Variants in ERC1 observed in about 807,000 individuals in gnomAD.
ERC1 encodes ELKS/RAB6-interacting/CAST family member 1.
ERC1 carries 56 observed loss-of-function variants against 132.0 expected under a neutral mutation model. The observed-to-expected ratio is 0.42, with a 90% CI of 0.34 to 0.53. The LOEUF (loss-of-function observed/expected upper bound fraction) is 0.53, where lower values mean the gene tolerates loss of function less well. ERC1 is among the 20% of genes least tolerant of loss of function. ERC1 has a pLI of 0.03. For synonymous variants in ERC1, 478 were observed against 476.1 expected (o/e 1.00, Z -0.05); for missense variants, 1,202 against 1,349.9 (o/e 0.89, Z 1.72).
At chr12:1,052,400 A>G (rs945936950) in intron 2 of ERC1, among the ~76,000 whole-genome samples, 6 of 152,252 alleles carry the variant, frequency 3.9e-5, no homozygotes, top group Non-Finnish European at 8.8e-5. Flanking sequence ...TGTGTGGATA[A>G]ATATTAATTA....
intron 12 of ERC1, among the ~76,000 whole-genome samples, chr12:1,198,153 C>G (rs1012398701): frequency 1.7e-4 from 26 of 152,110 alleles, no homozygotes; most frequent in African/African-American, 6.3e-4. Flanking sequence ...GTCTCGAACT[C>G]CTGGGCTCAA....
intron 12 of ERC1, among the ~76,000 whole-genome samples, chr12:1,200,605 C>G (rs1956817726): frequency 6.6e-6 from 1 of 151,686 alleles, no homozygotes; most frequent in Non-Finnish European, 1.5e-5. Context: ...GTCGCCCAGG[C>G]TGGAGTGCAG....
intron 16 of ERC1, among the ~76,000 whole-genome samples, chr12:1,405,161 A>AAATAAATAAATAAATGAATG (rs1566786289): frequency 7.2e-6 from 1 of 138,410 alleles, no homozygotes; most frequent in African/African-American, 2.8e-5. Flanking sequence ...ATAAATAAAT[A>AAATAAATAAATAAATGAATG]AATAAATAAA....
At chr12:1,019,962 C>CT (rs1232955640) in intron 1 of ERC1, among the ~76,000 whole-genome samples, 24 of 151,446 alleles carry the variant, frequency 1.6e-4, no homozygotes, top group Non-Finnish European at 2.7e-4. Context: ...GCCGTGTTGT[C>CT]CAGGCTGGTC....
intron 2 of ERC1, among the ~76,000 whole-genome samples, chr12:1,069,603 C>T (rs1939948046): frequency 6.6e-6 from 1 of 152,104 alleles, no homozygotes; most frequent in South Asian, 2.1e-4. Context: ...AGTAAACAAT[C>T]CTTATCTCCA....
intron 16 of ERC1, among the ~76,000 whole-genome samples, chr12:1,397,613 A>G (rs1358647664): frequency 1.3e-5 from 2 of 152,222 alleles, no homozygotes; most frequent in Non-Finnish European, 2.9e-5. Flanking sequence ...GTGCAATTAT[A>G]TGAGTATATG....
chr12:1,379,083 A>G (rs111782522), intron 16 of ERC1, among the ~76,000 whole-genome samples: 24 of 152,314 alleles, frequency 1.6e-4, no homozygotes, highest in African/African-American at 5.5e-4. Context: ...AAATATATGT[A>G]TTTTAGATTT....
chr12:1,234,547 G>A (rs2075284992), intron 12 of ERC1, among the ~76,000 whole-genome samples: 1 of 152,166 alleles, frequency 6.6e-6, no homozygotes, highest in Non-Finnish European at 1.5e-5. Context: ...GCTGCTGTTG[G>A]GTTTTTTGTT....
At chr12:1,424,863 T>TAG (rs1462515359) in intron 17 of ERC1, among the ~76,000 whole-genome samples, 5 of 95,622 alleles carry the variant, frequency 5.2e-5, no homozygotes, top group African/African-American at 2.4e-4. Flanking sequence ...GATAGATAGA[T>TAG]CGATAGATAG....
At chr12:1,180,508 CT>C in intron 8 of ERC1, 31 bp from the exon 9 acceptor site, 2 of 1,605,258 alleles carry the variant, frequency 1.2e-6, no homozygotes, top group Middle Eastern at 1.7e-4. Context: ...TACATGTCCT[CT>C]CTTTTCCCTT....
At chr12:1,217,953 T>A (rs1235110613) in intron 12 of ERC1, among the ~76,000 whole-genome samples, 1 of 152,224 alleles carries the variant, frequency 6.6e-6, no homozygotes, top group Non-Finnish European at 1.5e-5. Context: ...CTTTGCAGAC[T>A]GGTCTCACAT....
intron 7 of ERC1, among the ~76,000 whole-genome samples, chr12:1,134,851 C>T (rs1390117006): frequency 6.6e-6 from 1 of 151,864 alleles, no homozygotes; most frequent in Non-Finnish European, 1.5e-5. Context: ...GCCTCAGCCT[C>T]CTGAGTAGCT....
intron 14 of ERC1, among the ~76,000 whole-genome samples, chr12:1,279,674 A>T (rs1452882983): frequency 1.7e-3 from 220 of 131,080 alleles, no homozygotes; most frequent in Middle Eastern, 4.5e-3. Context: ...TTTTTTTTTA[A>T]TTTTATTTTA....
At chr12:1,401,615 G>T (rs754061100) in intron 16 of ERC1, among the ~76,000 whole-genome samples, 84 of 152,178 alleles carry the variant, frequency 5.5e-4, no homozygotes, top group Non-Finnish European at 1.0e-3. Context: ...CAATAAAATT[G>T]ACATGCAAAT....
At chr12:1,184,454 G>A (rs955160404) in intron 11 of ERC1, among the ~76,000 whole-genome samples, 24 of 151,878 alleles carry the variant, frequency 1.6e-4, no homozygotes, top group East Asian at 7.7e-4. Flanking sequence ...ACTATTTGGC[G>A]TATTTTCTTC....
rs1163411648 is a variant in ERC1 at position 1,141,601 on chromosome 12, A to G, written c.1570-19A>G. On this transcript the variant is annotated intron_variant, in intron 7 of 18. Transcript: ENST00000360905. The stretch of plus-strand genomic sequence containing the variant: ...CTTTTCTTTTTAATTCATCACTTGT[A>G]AAACTCCTACATTCTTAGGTGGATG... The G allele has an allele frequency of 1.3e-6, 2 of 1,584,314 alleles. No homozygotes were observed. Among genetic ancestry groups the G allele is most frequent in the African/African-American group, 1.4e-5 (1 of 73,582 alleles).
At chr12:1,284,761 C>T (rs1250609105) in intron 14 of ERC1, among the ~76,000 whole-genome samples, 2 of 152,080 alleles carry the variant, frequency 1.3e-5, no homozygotes, top group Non-Finnish European at 2.9e-5. Context: ...GCTGCAAACT[C>T]CTGGGCTCAA....
intron 7 of ERC1, among the ~76,000 whole-genome samples, chr12:1,127,916 A>G (rs920347344): frequency 1.3e-5 from 2 of 152,298 alleles, no homozygotes; most frequent in South Asian, 2.1e-4. Context: ...ACCTCCGCAT[A>G]AATCTAGTAC....
chr12:1,011,480 A>G (rs1481447205), intron 1 of ERC1, among the ~76,000 whole-genome samples: 1 of 152,202 alleles, frequency 6.6e-6, no homozygotes, highest in East Asian at 1.9e-4. Context: ...TGCCAGGATT[A>G]CAGGTGTGAG....
Sources: gnomAD v4.1 joint callset for allele counts (sites outside exome capture counted in the v4.1 genomes callset) on GRCh38, gnomAD v4.1.1 for gene constraint, MANE v1.5 for transcripts, NCBI Gene and HGNC (gene_info 2026-07-23, HGNC 2026-07-21) for gene names.